LVRN: variants seen among roughly 807,000 people sequenced by gnomAD.
LVRN encodes laeverin, also known as aminopeptidase Q.
LVRN carries 99 observed loss-of-function variants against 111.4 expected under a neutral mutation model. The observed-to-expected ratio is 0.89, with a 90% confidence interval of 0.76 to 1.05. The LOEUF (loss-of-function observed/expected upper bound fraction) is 1.05. LVRN is among the 50% of genes least tolerant of loss of function. LVRN has a pLI of 0.00. For synonymous variants in LVRN, 488 were observed against 449.5 expected (o/e 1.09, Z -1.08); for missense variants, 1,414 against 1,206.8 (o/e 1.17, Z -2.54).
chr5:116,023,473 T>C (rs1363467309), intron 19 of LVRN: 1 of 152,234 alleles, frequency 6.6e-6, no homozygotes, highest in Non-Finnish European at 1.5e-5. Flanking sequence ...AAAAAGCACT[T>C]TGATTGGTCC....
chr5:115,983,066 G>C (rs1405119346), intron 1 of LVRN, among the ~76,000 whole-genome samples: 1 of 152,092 alleles, frequency 6.6e-6, no homozygotes. Flanking sequence ...TTATTTTGTG[G>C]TTTAAAAGTA....
chr5:115,990,594 C>T (rs532460110), intron 4 of LVRN, among the ~76,000 whole-genome samples: 103 of 152,128 alleles, frequency 6.8e-4, no homozygotes, highest in South Asian at 3.5e-3. Flanking sequence ...TTTTTTGAGA[C>T]GGCATCTCAC....
At chr5:116,010,345 T>C (rs188024222) in intron 13 of LVRN, among the ~76,000 whole-genome samples, 1 of 152,334 alleles carries the variant, frequency 6.6e-6, no homozygotes, top group African/African-American at 2.4e-5. Flanking sequence ...ATCTCTGAGG[T>C]ATGCCTGTAG....
intron 1 of LVRN, among the ~76,000 whole-genome samples, chr5:115,968,254 A>T (rs1197873859): frequency 9.1e-6 from 1 of 110,380 alleles, no homozygotes; most frequent in Non-Finnish European, 1.9e-5. Flanking sequence ...AAGTTGAGAA[A>T]GTTGTCTTCT....
intron 13 of LVRN, chr5:116,010,410 A>T (rs1419014154): frequency 2.6e-6 from 1 of 380,642 alleles, no homozygotes; most frequent in Non-Finnish European, 5.2e-6. Context: ...ACTTCTAATT[A>T]ATATTTGTTG....
In LVRN at chr5:116,012,408, A is replaced by G; in HGVS notation, c.2282A>G (p.Asn761Ser). 1.3e-6 allele frequency: 2 copies of G among 1,533,426 alleles called. No homozygotes were observed. The highest frequency in any genetic ancestry group is 1.8e-6 in the Non-Finnish European group (2 of 1,114,660). The allele number at this position is 1,533,426 out of a possible 1,614,324, so 95.0% of individuals were successfully genotyped here. A position where few individuals can be genotyped will look rare whatever the true frequency, so the allele number is the denominator to read the frequency against. ...TTAAAGAGACTTAATTTAATATGGAATATTTATTCAACTATAATTCGTGAA... is the reference window on the plus strand; with the variant it reads ...TTAAAGAGACTTAATTTAATATGGAGTATTTATTCAACTATAATTCGTGAA... Reference protein sequence around the residue: ...YLLKRLNLIWNIYSTIIRENV... With the variant: ...YLLKRLNLIWSIYSTIIRENV... The change falls in exon 15 of 20, where the codon AAT becomes AGT. Residue 761 changes from asparagine (N) to serine (S), a missense_variant. Asn to Ser is a conservative substitution (Grantham distance 46, BLOSUM62 1). Coordinates refer to ENST00000357872, the MANE Select transcript of LVRN (RefSeq NM_173800.5).
At chr5:116,022,858 C>T (rs1748761522) in intron 19 of LVRN, among the ~76,000 whole-genome samples, 1 of 152,200 alleles carries the variant, frequency 6.6e-6, no homozygotes, top group Non-Finnish European at 1.5e-5. Context: ...AATGATCTGG[C>T]CCCTGCCTTA....
At chr5:115,985,650 C>G (rs1373114567) in intron 3 of LVRN, among the ~76,000 whole-genome samples, 1 of 152,214 alleles carries the variant, frequency 6.6e-6, no homozygotes, top group African/African-American at 2.4e-5. Context: ...TATCCAGAAG[C>G]TGAACTGCCA....
Position 115,999,748 on chromosome 5 carries a change from C to A in LVRN, c.1375-14C>A. 6.2e-7 allele frequency: 1 copy of A among 1,612,440 alleles called. No individual in the cohort carries two copies. On this transcript the variant is annotated splice_polypyrimidine_tract_variant and intron_variant, in intron 6 of 19. Transcript: ENST00000357872. ...ACCTCAGGAGTTAATGTGCCTCCAT[C>A]TTTTCCTTTATAGAATGAGATCTTT...
chr5:116,002,516 C>T (rs1337710221), intron 10 of LVRN, among the ~76,000 whole-genome samples: 1 of 152,194 alleles, frequency 6.6e-6, no homozygotes, highest in Non-Finnish European at 1.5e-5. Flanking sequence ...TTGAACTACC[C>T]TTGAGTGAAG....
chr5:116,022,415 T>A lies in LVRN; in HGVS notation c.2781T>A (p.Asn927Lys), dbSNP rs754243138. The A allele has an allele frequency of 1.9e-6, 3 of 1,579,520 alleles. No individual in the cohort carries two copies. In the South Asian group the frequency reaches 3.4e-5, roughly 18 times the overall value. The change falls in exon 19 of 20, where the codon AAT (asparagine) becomes AAA (lysine). Residue 927 changes from asparagine to lysine, a missense_variant. Coordinates refer to ENST00000357872, the MANE Select transcript of LVRN (RefSeq NM_173800.5). ...SKRYGTQSLI[N>K]LIYTIGRTVT... ...GGTATGGAACACAATCATTGATTAA[T>A]CTAATATATACAATAGGGAGAACCG...
At chr5:115,998,729 C>T (rs1013902627) in intron 6 of LVRN, among the ~76,000 whole-genome samples, 2 of 152,152 alleles carry the variant, frequency 1.3e-5, no homozygotes, top group Non-Finnish European at 2.9e-5. Context: ...CAGGCTCCAA[C>T]CCAAACCAAC....
Position 115,987,978 on chromosome 5 carries a change from G to T in LVRN, c.1105+39G>T. The T allele has an allele frequency of 3.8e-6, 6 of 1,592,286 alleles. 1 individual carries two copies. The South Asian group carries it at 4.6e-5, about 12-fold the overall frequency. On this transcript the variant is annotated intron_variant, in intron 4 of 19. Coordinates refer to ENST00000357872, the MANE Select transcript of LVRN (RefSeq NM_173800.5). ...TTCCTTTCAGTGCATTTGGTTTCCT[G>T]TTATTTGGGCCCTTGGTTGAGGCCT...
At chr5:115,978,510 T>G (rs1309517353) in intron 1 of LVRN, among the ~76,000 whole-genome samples, 3 of 152,188 alleles carry the variant, frequency 2.0e-5, no homozygotes, top group Admixed American at 2.0e-4. Context: ...AGCCTATAAG[T>G]TCCTGCTTAT....
At chr5:115,968,853 G>T (rs940171533) in intron 1 of LVRN, among the ~76,000 whole-genome samples, 1 of 152,160 alleles carries the variant, frequency 6.6e-6, no homozygotes, top group Admixed American at 6.5e-5. Flanking sequence ...AGGCTAAGCT[G>T]GGATATGCAA....
Position 115,984,598 on chromosome 5 carries a change from A to G in LVRN, c.867A>G (p.Gly289=), listed in dbSNP as rs1245986442. The change falls in exon 3 of 20, where the codon GGA becomes GGG. Residue 289 remains glycine, a synonymous_variant. Coordinates refer to ENST00000357872, the MANE Select transcript of LVRN (RefSeq NM_173800.5). The stretch of plus-strand genomic sequence containing the variant: ...AGTCTGAAAAAGAAGATGTGAATGG[A>G]AGCAAATGGACTGTTACAACCTTTT... ...LGQSEKEDVN[G]SKWTVTTFST... 1.2e-6 allele frequency: 2 copies of G among 1,613,452 alleles called. No individual in the cohort carries two copies. The highest frequency in any genetic ancestry group is 1.7e-6 in the Non-Finnish European group (2 of 1,179,714).
rs149460330 is a variant in LVRN, at chr5:115,962,806, G to A, written c.189G>A (p.Arg63=). Residue 63 remains arginine, a synonymous_variant, in exon 1 of 20, where the codon AGG becomes AGA. Coordinates refer to ENST00000357872, the MANE Select transcript of LVRN (RefSeq NM_173800.5). ...DLEAESSPPL[R]QKPTPTPKPS... is the part of the protein sequence containing the mutation. ...AAGCCGAGTCTTCCCCTCCCCTCAG[G>A]CAGAAGCCGACGCCAACCCCGAAAC... 5 of 1,611,968 alleles carry A rather than the reference G, an allele frequency of 3.1e-6. No individual in the cohort carries two copies. The highest frequency in any genetic ancestry group is 4.2e-6 in the Non-Finnish European group (5 of 1,179,240).
Position 115,966,954 on chromosome 5 carries a change from G to A in LVRN, c.695+3642G>A, listed in dbSNP as rs115455153. Reference sequence around the variant, plus strand: ...CCATCTGTATATCAGTCAGTGAAATGTCTCTTCACGTCTTTTCTTATTTTC... The same window carrying A: ...CCATCTGTATATCAGTCAGTGAAATATCTCTTCACGTCTTTTCTTATTTTC... On this transcript the variant is annotated intron_variant, in intron 1 of 19. Transcript: ENST00000357872. Among the ~76,000 whole-genome samples the A allele has an allele frequency of 4.1e-3, 629 of 152,196 alleles. 5 individuals are homozygous for A. The highest frequency in any genetic ancestry group is 0.014 in the African/African-American group (582 of 41,526).
At chr5:115,983,560 C>G in intron 2 of LVRN, 131 bp downstream of exon 2, 2 of 1,020,058 alleles carry the variant, frequency 2.0e-6, no homozygotes, top group Non-Finnish European at 2.7e-6. Context: ...TTAGGTAGAG[C>G]AGTCACCTGG....
Sources: gnomAD v4.1 joint callset for allele counts (sites outside exome capture counted in the v4.1 genomes callset) on GRCh38, gnomAD v4.1.1 for gene constraint, MANE v1.5 for transcripts, NCBI Gene and HGNC (gene_info 2026-07-23, HGNC 2026-07-21) for gene names.